FGF14: variants seen among roughly 807,000 people sequenced by gnomAD.
FGF14 encodes the protein fibroblast growth factor 14.
A neutral mutation model predicts 25.5 loss-of-function variants in FGF14; 5 were observed. The ratio of observed to expected loss-of-function variants is 0.20; its 90% CI spans 0.10 to 0.41. The LOEUF is 0.41. Among genes scored for constraint, FGF14 ranks in the 10% least tolerant of loss-of-function variants. The probability of loss-of-function intolerance (pLI) is 1.00; values close to 1 mark genes in which losing one functional copy is unlikely to be tolerated. For synonymous variants in FGF14, 138 were observed against 118.3 expected (o/e 1.17, Z -1.08); for missense variants, 222 against 320.1 (o/e 0.69, Z 2.34).
intron 1 of FGF14, among the ~76,000 whole-genome samples, chr13:102,276,163 G>C (rs971470773): frequency 6.6e-6 from 1 of 151,462 alleles, no homozygotes. Flanking sequence ...GTTGGCCTGA[G>C]AATTGCATAA....
intron 1 of FGF14, among the ~76,000 whole-genome samples, chr13:102,197,456 T>C (rs1268511404): frequency 2.0e-5 from 3 of 152,072 alleles, no homozygotes; most frequent in African/African-American, 4.8e-5. Context: ...CTTTCCTGAC[T>C]CTCTCAGTTT....
chr13:102,135,060 C>CACACAA (rs1309843867), intron 1 of FGF14, among the ~76,000 whole-genome samples: 7 of 139,156 alleles, frequency 5.0e-5, no homozygotes, highest in African/African-American at 1.9e-4. Context: ...CACACACACA[C>CACACAA]AAATCCGCGT....
intron 1 of FGF14, among the ~76,000 whole-genome samples, chr13:102,086,763 G>A (rs1396828319): frequency 6.6e-6 from 1 of 152,076 alleles, no homozygotes; most frequent in South Asian, 2.1e-4. Context: ...ATTTAGAAGG[G>A]GAAAGATGTT....
intron 1 of FGF14, among the ~76,000 whole-genome samples, chr13:101,961,747 G>T (rs1315916017): frequency 6.6e-6 from 1 of 152,114 alleles, no homozygotes; most frequent in Admixed American, 6.5e-5. Flanking sequence ...ACTTCTCCTT[G>T]CTGCCACCAT....
At chr13:102,204,407 C>A (rs1999169) in intron 1 of FGF14, among the ~76,000 whole-genome samples, 57,463 of 152,078 alleles carry the variant, frequency 0.38, 12,044 homozygotes, top group African/African-American at 0.57. Flanking sequence ...GTAACCACAC[C>A]TCTCTGTGCC....
intron 3 of FGF14, among the ~76,000 whole-genome samples, chr13:101,772,181 C>A (rs1043992230): frequency 2.0e-5 from 3 of 151,862 alleles, no homozygotes; most frequent in Non-Finnish European, 4.4e-5. Flanking sequence ...AAAAGAAGAA[C>A]CCACAAATAA....
chr13:101,767,351 C>A (rs143611851), intron 3 of FGF14, among the ~76,000 whole-genome samples: 3 of 152,012 alleles, frequency 2.0e-5, no homozygotes, highest in African/African-American at 4.8e-5. Flanking sequence ...TGGTGTGATA[C>A]GAGATCATTC....
intron 3 of FGF14, among the ~76,000 whole-genome samples, chr13:101,777,507 G>C (rs1226789413): frequency 6.6e-6 from 1 of 152,126 alleles, no homozygotes; most frequent in Non-Finnish European, 1.5e-5. Context: ...CTGTTTGCCT[G>C]CTTTGAGGCT....
intron 1 of FGF14, among the ~76,000 whole-genome samples, chr13:102,270,336 T>C (rs561186576): frequency 6.6e-5 from 10 of 152,276 alleles, no homozygotes; most frequent in African/African-American, 2.2e-4. Context: ...ATTGGAAGCA[T>C]TTCCTATGTT....
At chr13:101,998,144 A>C (rs896425467) in intron 1 of FGF14, among the ~76,000 whole-genome samples, 1 of 152,212 alleles carries the variant, frequency 6.6e-6, no homozygotes, top group Non-Finnish European at 1.5e-5. Context: ...CTTCTCAAAA[A>C]AAACTAAATT....
At chr13:102,344,441 C>T (rs2057043076) in intron 1 of FGF14, among the ~76,000 whole-genome samples, 2 of 152,210 alleles carry the variant, frequency 1.3e-5, no homozygotes, top group Non-Finnish European at 2.9e-5. Context: ...TGTAACAACA[C>T]AACATCTATT....
At chr13:101,920,933 T>C (rs1292924299), upstream of FGF14, among the ~76,000 whole-genome samples, 1 of 152,128 alleles carries the variant, frequency 6.6e-6, no homozygotes, top group Non-Finnish European at 1.5e-5. Context: ...AAGCATCAGT[T>C]TGGAAGGTAA....
chr13:101,933,576 T>A (rs886805272), intron 1 of FGF14, among the ~76,000 whole-genome samples: 3 of 152,104 alleles, frequency 2.0e-5, no homozygotes, highest in African/African-American at 7.2e-5. Context: ...ATACAAAAAT[T>A]ATCTGGACTT....
At position 102,190,442 on chromosome 13, in the gene FGF14, G is replaced by A. The variant is rs1011512993; in HGVS notation, c.208+211029C>T. Among the ~76,000 whole-genome samples, 5 of 152,172 alleles carry A rather than the reference G, an allele frequency of 3.3e-5. No individual in the cohort carries two copies. The East Asian group carries it at 9.6e-4, about 29-fold the overall frequency. On this transcript the variant is annotated intron_variant, in intron 1 of 4. Transcript: ENST00000376131. ...CAACAGTGTTACTGGCCTCTAGTTG[G>A]TAGAGTCCAGGGATATTGTTAAGGA...
chr13:101,918,425 G>T (rs150424907), upstream of FGF14, among the ~76,000 whole-genome samples: 1 of 152,334 alleles, frequency 6.6e-6, no homozygotes, highest in South Asian at 2.1e-4. Context: ...GTGAAGCAAG[G>T]GGGAGAGATG....
chr13:102,218,374 G>A (rs116618521), intron 1 of FGF14, among the ~76,000 whole-genome samples: 1,536 of 152,160 alleles, frequency 0.01, 33 homozygotes, highest in African/African-American at 0.034. Flanking sequence ...CCTGCAGCAC[G>A]TGGGAGAGCA....
At chr13:101,781,489 A>G (rs994959082) in intron 3 of FGF14, among the ~76,000 whole-genome samples, 3 of 152,242 alleles carry the variant, frequency 2.0e-5, no homozygotes, top group Admixed American at 6.5e-5. Context: ...TTTCTAAAAA[A>G]GCAGGAAAGA....
chr13:101,724,317 T>C (rs1453681895), intron 4 of FGF14, among the ~76,000 whole-genome samples: 1 of 151,720 alleles, frequency 6.6e-6, no homozygotes, highest in Non-Finnish European at 1.5e-5. Context: ...CTGGAAACCA[T>C]CATTCTCAGC....
chr13:102,117,773 G>C (rs1288345603), intron 1 of FGF14, among the ~76,000 whole-genome samples: 1 of 152,104 alleles, frequency 6.6e-6, no homozygotes, highest in African/African-American at 2.4e-5. Context: ...GCAACATTTG[G>C]TAAGGACAGG....
Sources: allele counts gnomAD v4.1 joint callset (sites outside exome capture counted in the v4.1 genomes callset), GRCh38; gene constraint gnomAD v4.1.1; transcripts MANE v1.5; gene names NCBI Gene and HGNC (gene_info 2026-07-23, HGNC 2026-07-21).